Variants in GPR19 observed in about 807,000 individuals in gnomAD.
The protein encoded by GPR19 is G protein-coupled receptor 19, also known as probable G protein-coupled receptor 19.
GPR19 carries 14 observed loss-of-function variants against 28.5 expected under a neutral mutation model. The observed-to-expected ratio is 0.49, with a 90% confidence interval of 0.32 to 0.77. The LOEUF (loss-of-function observed/expected upper bound fraction) is 0.77. GPR19 is among the 30% of genes least tolerant of loss of function. The probability of loss-of-function intolerance (pLI) is 0.03; values close to 1 mark genes in which losing one functional copy is unlikely to be tolerated. For synonymous variants in GPR19, 173 were observed against 184.1 expected, an observed-to-expected ratio of 0.94 and a Z score of 0.49; for missense variants, 409 against 504.1, an observed-to-expected ratio of 0.81 and a Z score of 1.81.
the GPR19 span, among the ~76,000 whole-genome samples, chr12:12,706,937 C>T: frequency 1.3e-4 from 20 of 152,286 alleles, no homozygotes; most frequent in Middle Eastern, 3.4e-3. Context: ...AAAAGTTACC[C>T]GAAGTCAGGT....
the GPR19 span, among the ~76,000 whole-genome samples, chr12:12,706,821 T>G: frequency 1.3e-5 from 2 of 152,242 alleles, no homozygotes; most frequent in African/African-American, 4.8e-5. Flanking sequence ...CACCCTGGTC[T>G]GAGGCCCATG....
rs3080711 is a variant in GPR19 at position 12,679,428 on chromosome 12, C to CAA, written c.-23+4921_-23+4922dup. ...CAACATAGTGAGTCCCTGTCTCTAT[C>CAA]AAAAAAAAAAAAAAAAAAAATTAGC... On this transcript the variant is annotated intron_variant, in intron 3 of 3. Transcript: ENST00000651487. Among the ~76,000 whole-genome samples the CAA allele has an allele frequency of 4.2e-4, 52 of 124,004 alleles. No individual in the cohort carries two copies. The East Asian group carries it at 6.0e-3, about 14-fold the overall frequency. 81.4% of individuals were successfully genotyped at this position (124,004 alleles called of 152,430 possible).
the GPR19 span, among the ~76,000 whole-genome samples, chr12:12,708,478 G>C: frequency 1.3e-5 from 2 of 151,878 alleles, 1 homozygote; most frequent in South Asian, 4.1e-4. Flanking sequence ...CCTTTGTTTT[G>C]TGAATAGTGC....
chr12:12,688,089 T>A (rs2136334101), intron 2 of GPR19, among the ~76,000 whole-genome samples: 1 of 152,340 alleles, frequency 6.6e-6, no homozygotes. Flanking sequence ...GTGTTCAAAG[T>A]ATAAGATGAA....
intron 3 of GPR19, among the ~76,000 whole-genome samples, chr12:12,664,736 C>A (rs1945735366): frequency 6.6e-6 from 1 of 151,664 alleles, no homozygotes; most frequent in East Asian, 1.9e-4. Flanking sequence ...CTGGCTAACA[C>A]AGTGAAACCC....
chr12:12,714,791 G>T, the GPR19 span, among the ~76,000 whole-genome samples: 4 of 152,012 alleles, frequency 2.6e-5, no homozygotes, highest in Non-Finnish European at 4.4e-5. Flanking sequence ...TTTTTTTCAC[G>T]CGTCGTCGCT....
chr12:12,700,064 C>T (rs1048906924), upstream of GPR19, among the ~76,000 whole-genome samples: 22 of 151,380 alleles, frequency 1.5e-4, no homozygotes, highest in African/African-American at 5.3e-4. Flanking sequence ...CCTCCCACAT[C>T]GGCTTTCCAA....
chr12:12,705,136 C>T, the GPR19 span, among the ~76,000 whole-genome samples: 4 of 92,808 alleles, frequency 4.3e-5, no homozygotes, highest in African/African-American at 6.4e-5. Flanking sequence ...TTTTTTGAGA[C>T]GGAGTCTTGC....
chr12:12,684,382 CT>C lies in GPR19; in HGVS notation c.-55del. 1 of 152,320 alleles carries C rather than the reference CT, an allele frequency of 6.6e-6. No homozygotes were observed. The highest frequency in any genetic ancestry group is 1.9e-4 in the East Asian group (1 of 5,186). The allele number at this position is 152,320 out of a possible 1,614,324, so 9.4% of individuals were successfully genotyped here. A position where few individuals can be genotyped will look rare whatever the true frequency, so the allele number is the denominator to read the frequency against. ...CCGGACTTGATTTCAGAGACGTTCT[CT>C]TTAGATCTTCTTGGTCAGGAATAGC... On this transcript the variant is annotated 5_prime_UTR_variant, in exon 3 of 4. The change creates a premature stop within an existing upstream ORF in the 5' untranslated region. Transcript: ENST00000651487.
chr12:12,683,730 G>A (rs895189564), intron 3 of GPR19, among the ~76,000 whole-genome samples: 1 of 152,238 alleles, frequency 6.6e-6, no homozygotes, highest in Admixed American at 6.5e-5. Context: ...GAAAATTTGA[G>A]TTCACGGCTG....
chr12:12,662,263 G>A lies in GPR19; in HGVS notation c.186C>T (p.Pro62=), dbSNP rs778793331. Residue 62 remains proline, a synonymous_variant, in exon 4 of 4, where the codon CCC becomes CCT. Coordinates refer to ENST00000651487, the MANE Select transcript of GPR19 (RefSeq NM_006143.3). ...NQTDLHYVLK[P]GEVATASIFF... ...AGATGCTGGCTGTGGCCACTTCCCCGGGTTTCAGCACATAGTGAAGGTCTG... is the reference window on the plus strand; with the variant it reads ...AGATGCTGGCTGTGGCCACTTCCCCAGGTTTCAGCACATAGTGAAGGTCTG... 31 of 1,614,190 alleles carry A rather than the reference G, an allele frequency of 1.9e-5. No homozygotes were observed. The East Asian group carries it at 4.2e-4, about 22-fold the overall frequency.
the GPR19 span, among the ~76,000 whole-genome samples, chr12:12,710,279 G>A: frequency 6.6e-6 from 1 of 151,648 alleles, no homozygotes; most frequent in Non-Finnish European, 1.5e-5. Flanking sequence ...TTTGAACCTG[G>A]GAGGTGGAGG....
At chr12:12,696,581 A>T (rs1052232458), upstream of GPR19, among the ~76,000 whole-genome samples, 3 of 152,220 alleles carry the variant, frequency 2.0e-5, no homozygotes, top group Non-Finnish European at 2.9e-5. Context: ...AGAGGAAGTC[A>T]GCCAGTTTAT....
upstream of GPR19, among the ~76,000 whole-genome samples, chr12:12,699,973 T>A (rs575909608): frequency 5.0e-5 from 5 of 99,790 alleles, no homozygotes; most frequent in South Asian, 1.1e-3. Context: ...AAAAAAGCTT[T>A]CTTTCTTTTT....
At chr12:12,705,119 T>TC in the GPR19 span, among the ~76,000 whole-genome samples, 1 of 150,656 alleles carries the variant, frequency 6.6e-6, no homozygotes, top group Non-Finnish European at 1.5e-5. Context: ...ATGCATCTTT[T>TC]TTTTTTTTTT....
At chr12:12,678,644 C>T (rs952314790) in intron 3 of GPR19, among the ~76,000 whole-genome samples, 3 of 152,118 alleles carry the variant, frequency 2.0e-5, no homozygotes, top group Non-Finnish European at 2.9e-5. Context: ...CGGCCTGCCC[C>T]CAATTTGAAG....
the GPR19 span, chr12:12,716,938 C>G: frequency 2.2e-5 from 22 of 985,102 alleles, no homozygotes; most frequent in African/African-American, 1.4e-4. Context: ...AGCTCGCCAC[C>G]CCGGCTCCTA....
the GPR19 span, among the ~76,000 whole-genome samples, chr12:12,708,613 G>C: frequency 1.3e-4 from 19 of 151,740 alleles, no homozygotes; most frequent in African/African-American, 3.4e-4. Context: ...TAGTCCTAGT[G>C]CCTTCTCTGC....
chr12:12,663,228 C>T (rs781593041), intron 3 of GPR19, among the ~76,000 whole-genome samples: 3 of 152,106 alleles, frequency 2.0e-5, no homozygotes, highest in Admixed American at 2.0e-4. Flanking sequence ...GAAGAACATA[C>T]AAGATGTCCT....
Sources: allele counts gnomAD v4.1 joint callset (sites outside exome capture counted in the v4.1 genomes callset), GRCh38; gene constraint gnomAD v4.1.1; transcripts MANE v1.5; gene names NCBI Gene and HGNC (gene_info 2026-07-23, HGNC 2026-07-21).